Variants in GAS7 observed in about 807,000 individuals in gnomAD.
GAS7 encodes growth arrest-specific protein 7.
GAS7 carries 28 observed loss-of-function variants against 71.1 expected under a neutral mutation model. The ratio of observed to expected loss-of-function variants is 0.39; its 90% CI spans 0.29 to 0.54. The LOEUF is 0.54. Ranked by LOEUF, GAS7 falls within the 20% of genes least tolerant of loss-of-function variation. The pLI, the probability that GAS7 is intolerant of heterozygous loss-of-function variation, is 0.62. For missense variants in GAS7, 436 were observed against 627.8 expected (o/e 0.69, Z 3.27); for synonymous variants, 258 against 245.8 (o/e 1.05, Z -0.46).
intron 2 of GAS7, among the ~76,000 whole-genome samples, chr17:9,989,230 C>T (rs1332441842): frequency 6.6e-6 from 1 of 152,130 alleles, no homozygotes; most frequent in Non-Finnish European, 1.5e-5. Context: ...TCTGGCCACA[C>T]TCACCGTGTC....
In GAS7 at chr17:9,919,534, C is replaced by T. The variant is rs758276870; in HGVS notation, c.1218+92G>A. ...TTGATGACCATCTCCAGGGTCACTC[C>T]ACCCCATCATCCCCGCGCCCACCAA... is the stretch of plus-strand genomic sequence containing the variant. On this transcript the variant is annotated intron_variant, in intron 12 of 13. Transcript: ENST00000432992. This position sits in a 1 kb window ranked among gnomAD's most constrained non-coding sequence, Gnocchi z 5.0. 6.6e-6 allele frequency: 6 copies of T among 903,192 alleles called. No individual in the cohort carries two copies. The highest frequency in any genetic ancestry group is 1.6e-5 in the African/African-American group (1 of 61,488). 55.9% of individuals were successfully genotyped at this position (903,192 alleles called of 1,614,324 possible).
At chr17:10,121,744 A>G (rs1302624494) in intron 1 of GAS7, among the ~76,000 whole-genome samples, 1 of 152,162 alleles carries the variant, frequency 6.6e-6, no homozygotes, top group East Asian at 1.9e-4. Flanking sequence ...GGTATTGAAG[A>G]TGCAACCTCA....
chr17:10,112,211 C>T (rs1396061646), intron 1 of GAS7, among the ~76,000 whole-genome samples: 1 of 152,186 alleles, frequency 6.6e-6, no homozygotes, highest in South Asian at 2.1e-4. Context: ...CCAATTCCAC[C>T]GTGGATGCAT....
At chr17:9,963,708 A>T (rs2069593271) in intron 4 of GAS7, among the ~76,000 whole-genome samples, 1 of 152,132 alleles carries the variant, frequency 6.6e-6, no homozygotes, top group Non-Finnish European at 1.5e-5. Flanking sequence ...CTGTAGCCTG[A>T]GGTACAGAAC....
At chr17:9,990,436 G>C (rs2070798548) in intron 2 of GAS7, among the ~76,000 whole-genome samples, 1 of 152,138 alleles carries the variant, frequency 6.6e-6, no homozygotes, top group Admixed American at 6.5e-5. Context: ...TCTCAAAAGT[G>C]ACACTCCATC....
chr17:10,100,575 C>T (rs1471251259), intron 1 of GAS7, among the ~76,000 whole-genome samples: 1 of 149,844 alleles, frequency 6.7e-6, no homozygotes, highest in Non-Finnish European at 1.5e-5. Context: ...CATTCTCCTC[C>T]CTCAGGTATC....
At chr17:9,947,057 G>A (rs1001937074) in intron 5 of GAS7, 74 bp from the exon 6 acceptor site, 7 of 970,160 alleles carry the variant, frequency 7.2e-6, no homozygotes, top group Non-Finnish European at 1.2e-5. Context: ...GCTCCTGGGG[G>A]ACACGGCACT....
chr17:9,944,349 C>CAG (rs1222859486), intron 6 of GAS7, among the ~76,000 whole-genome samples: 1 of 152,154 alleles, frequency 6.6e-6, no homozygotes, highest in East Asian at 1.9e-4. Context: ...TTTGATATCC[C>CAG]AGAGAGAGAG....
At position 10,058,448 on chromosome 17, in the gene GAS7, T is replaced by C. The variant is rs181023635; in HGVS notation, c.184-38551A>G. On this transcript the variant is annotated intron_variant, in intron 1 of 13. Coordinates refer to ENST00000432992, the MANE Select transcript of GAS7 (RefSeq NM_201433.2). ...GCCTGGGCTACAGAGCGAGACTCCG[T>C]CTCAAAAAAAAAAAAAAAATCTGTC... is the stretch of plus-strand genomic sequence containing the variant. 5.4e-3 allele frequency among the ~76,000 whole-genome samples: 794 copies of C among 147,216 alleles called. 6 individuals carry two copies. Among genetic ancestry groups the C allele is most frequent in the African/African-American group, 0.019 (744 of 38,920 alleles).
At chr17:10,099,197 G>A (rs2073673416) in intron 1 of GAS7, among the ~76,000 whole-genome samples, 1 of 152,120 alleles carries the variant, frequency 6.6e-6, no homozygotes, top group Admixed American at 6.5e-5. Context: ...ATGGAGAGGT[G>A]GAGACACACC....
intron 1 of GAS7, among the ~76,000 whole-genome samples, chr17:10,112,017 T>G (rs1188532544): frequency 6.6e-6 from 1 of 152,228 alleles, no homozygotes; most frequent in African/African-American, 2.4e-5. Context: ...ACTTCCGCAG[T>G]TGCACCAGCC....
At chr17:10,093,095 A>G (rs928290706) in intron 1 of GAS7, among the ~76,000 whole-genome samples, 1 of 152,098 alleles carries the variant, frequency 6.6e-6, no homozygotes, top group African/African-American at 2.4e-5. Context: ...ACTTATGTCA[A>G]TGTCGTTGCT....
chr17:10,084,144 G>A (rs2073488608), intron 1 of GAS7, among the ~76,000 whole-genome samples: 1 of 151,916 alleles, frequency 6.6e-6, no homozygotes, highest in Non-Finnish European at 1.5e-5. Context: ...CTCCAGCCTG[G>A]GCAATAGAGC....
intron 1 of GAS7, among the ~76,000 whole-genome samples, chr17:10,179,278 G>A (rs867402806): frequency 7.9e-5 from 12 of 151,902 alleles, no homozygotes; most frequent in African/African-American, 2.2e-4. Context: ...GCAGTGAGCC[G>A]AGATCGATCG....
At chr17:10,186,962 T>C (rs1344808260) in intron 1 of GAS7, among the ~76,000 whole-genome samples, 2 of 152,134 alleles carry the variant, frequency 1.3e-5, no homozygotes, top group Non-Finnish European at 2.9e-5. Context: ...GGTGCGATGA[T>C]AAAATGCTGA....
At chr17:10,028,104 C>T (rs1337369536) in intron 1 of GAS7, among the ~76,000 whole-genome samples, 3 of 152,160 alleles carry the variant, frequency 2.0e-5, no homozygotes, top group Non-Finnish European at 4.4e-5. Context: ...GGGGTTTCAC[C>T]GCGTTGGCCA....
rs745794234 is a variant in GAS7 at position 10,159,065 on chromosome 17, CATATATATATATATATATATAT to C, written c.183+39121_183+39142del. Reference sequence around the variant, plus strand: ...ACAGAGTGAGACACTGTCTCTAAAACATATATATATATATATATATATATATATATATTAAAGATAACACACA... The same window carrying C: ...ACAGAGTGAGACACTGTCTCTAAAACATATATATATTAAAGATAACACACA... On this transcript the variant is annotated intron_variant, in intron 1 of 13. Coordinates refer to ENST00000432992, the MANE Select transcript of GAS7 (RefSeq NM_201433.2). Among the ~76,000 whole-genome samples the C allele has an allele frequency of 2.2e-4, 13 of 60,014 alleles. 1 individual carries two copies. The highest frequency in any genetic ancestry group is 1.0e-3 in the African/African-American group (13 of 12,830). 39.4% of individuals were successfully genotyped at this position (60,014 alleles called of 152,430 possible). A position where few individuals can be genotyped will look rare whatever the true frequency, so the allele number is the denominator to read the frequency against.
At chr17:10,071,334 C>T (rs1463200016) in intron 1 of GAS7, among the ~76,000 whole-genome samples, 1 of 152,192 alleles carries the variant, frequency 6.6e-6, no homozygotes, top group African/African-American at 2.4e-5. Context: ...ATGCGAATCA[C>T]CCTGGGTCTG....
At chr17:10,096,040 C>A (rs1415639310) in intron 1 of GAS7, among the ~76,000 whole-genome samples, 1 of 152,118 alleles carries the variant, frequency 6.6e-6, no homozygotes, top group African/African-American at 2.4e-5. Flanking sequence ...CCACAGCATT[C>A]TCTTGCCAGG....
Sources: gnomAD v4.1 joint callset for allele counts (sites outside exome capture counted in the v4.1 genomes callset) on GRCh38, gnomAD v4.1.1 for gene constraint, Gnocchi (gnomAD v3.1) non-coding constraint, MANE v1.5 for transcripts, NCBI Gene and HGNC (gene_info 2026-07-23, HGNC 2026-07-21) for gene names.